The following RIPOR2 variants were observed in gnomAD, a reference collection of about 807,000 sequenced individuals.
The protein encoded by RIPOR2 is rho family-interacting cell polarization regulator 2.
A neutral mutation model predicts 114.5 loss-of-function variants in RIPOR2; 39 were observed. That is an observed-to-expected ratio of 0.34 (90% CI 0.26 to 0.44). The LOEUF is 0.44. Among genes scored for constraint, RIPOR2 ranks in the 20% least tolerant of loss-of-function variants. RIPOR2 has a pLI of 1.00. For missense variants in RIPOR2, 1,007 were observed against 1,255.1 expected (o/e 0.80, Z 2.99); for synonymous variants, 445 against 484.4 (o/e 0.92, Z 1.07).
chr6:24,821,398 G>T (rs1759689714), intron 19 of RIPOR2, among the ~76,000 whole-genome samples: 1 of 151,570 alleles, frequency 6.6e-6, no homozygotes. Flanking sequence ...TGGTCAGGCT[G>T]GTCTCAAACT....
At chr6:24,901,583 T>G (rs78521748) in intron 1 of RIPOR2, among the ~76,000 whole-genome samples, 30 of 152,334 alleles carry the variant, frequency 2.0e-4, no homozygotes, top group African/African-American at 6.5e-4. Flanking sequence ...ATTCCTGACC[T>G]TTATGTCATT....
chr6:25,020,399 T>C (rs1173680748), intron 1 of RIPOR2, among the ~76,000 whole-genome samples: 1 of 152,238 alleles, frequency 6.6e-6, no homozygotes, highest in Non-Finnish European at 1.5e-5. Context: ...CCTTCTAGAA[T>C]CTGCTCATTG....
At chr6:24,934,022 T>C (rs544637126) in intron 1 of RIPOR2, among the ~76,000 whole-genome samples, 3 of 152,286 alleles carry the variant, frequency 2.0e-5, no homozygotes, top group South Asian at 2.1e-4. Context: ...CAGAGTGCAG[T>C]GCATCAGCCT....
chr6:24,850,904 T>C (rs1379170623), intron 9 of RIPOR2, among the ~76,000 whole-genome samples, 182 bp from the exon 10 acceptor site: 2 of 151,576 alleles, frequency 1.3e-5, no homozygotes, highest in African/African-American at 4.8e-5. Flanking sequence ...GAGACTTTTT[T>C]TTTTTTTTTG....
intron 1 of RIPOR2, among the ~76,000 whole-genome samples, chr6:25,026,291 T>C (rs1776619365): frequency 6.6e-6 from 1 of 152,224 alleles, no homozygotes; most frequent in African/African-American, 2.4e-5. Context: ...TAGATATTTA[T>C]ATAGGTATAC....
At chr6:24,859,462 G>A (rs77962049) in intron 8 of RIPOR2, among the ~76,000 whole-genome samples, 1 of 152,056 alleles carries the variant, frequency 6.6e-6, no homozygotes, top group Non-Finnish European at 1.5e-5. Flanking sequence ...AAATTCCAGG[G>A]CCCACGTGGG....
intron 18 of RIPOR2, 103 bp downstream of exon 18, chr6:24,828,034 T>C: frequency 1.9e-6 from 2 of 1,073,624 alleles, no homozygotes; most frequent in Non-Finnish European, 2.6e-6. Context: ...TACTGTGGAC[T>C]TGAAAAATAA....
intron 1 of RIPOR2, among the ~76,000 whole-genome samples, chr6:24,949,052 C>T (rs1419420654): frequency 6.7e-6 from 1 of 149,558 alleles, no homozygotes. Flanking sequence ...GTCACTCTCT[C>T]CTCCTTAACT....
intron 1 of RIPOR2, among the ~76,000 whole-genome samples, chr6:24,916,810 C>T (rs1384089459): frequency 6.6e-6 from 1 of 152,196 alleles, no homozygotes. Flanking sequence ...ACACTCTTGA[C>T]ATTTTAGTAT....
intron 1 of RIPOR2, chr6:25,023,709 C>T (rs1776445797): frequency 3.9e-6 from 3 of 770,554 alleles, no homozygotes; most frequent in South Asian, 2.7e-5. Context: ...CAGCCCACAC[C>T]GTGTTTGTCC....
intron 11 of RIPOR2, 56 bp from the exon 12 acceptor site, chr6:24,848,210 C>G: frequency 6.3e-7 from 1 of 1,583,460 alleles, no homozygotes; most frequent in South Asian, 1.1e-5. Flanking sequence ...CTATCATCAA[C>G]AGACCACAGG....
At chr6:25,040,918 C>T (rs66577954) in intron 1 of RIPOR2, among the ~76,000 whole-genome samples, 35,946 of 152,112 alleles carry the variant, frequency 0.24, 4,864 homozygotes, top group Admixed American at 0.36. Flanking sequence ...GGAAAATCCA[C>T]CAACCTCTAC....
chr6:24,884,703 C>T (rs1766657178), intron 1 of RIPOR2, among the ~76,000 whole-genome samples: 1 of 152,130 alleles, frequency 6.6e-6, no homozygotes, highest in African/African-American at 2.4e-5. Flanking sequence ...AGTAATTCCT[C>T]CCCATTTTAA....
At chr6:24,865,592 A>G in intron 6 of RIPOR2, 142 bp from the exon 7 acceptor site, 1 of 672,046 alleles carries the variant, frequency 1.5e-6, no homozygotes, top group Non-Finnish European at 2.3e-6. Context: ...TTAGATAGGG[A>G]CCAATCGTTT....
chr6:25,032,640 G>A (rs1425324149), intron 1 of RIPOR2, among the ~76,000 whole-genome samples: 3 of 152,182 alleles, frequency 2.0e-5, no homozygotes, highest in Non-Finnish European at 4.4e-5. Flanking sequence ...GAAACAGAAA[G>A]AGCAGCACAG....
intron 1 of RIPOR2, among the ~76,000 whole-genome samples, chr6:24,905,724 C>G (rs1768914236): frequency 6.6e-6 from 1 of 152,230 alleles, no homozygotes; most frequent in African/African-American, 2.4e-5. Context: ...CTCCAGGAAA[C>G]TGTCACTTTG....
chr6:24,840,484 G>A, intron 13 of RIPOR2: 1 of 1,377,300 alleles, frequency 7.3e-7, no homozygotes, highest in African/African-American at 1.5e-5. Context: ...CAGAGTTGGA[G>A]AGAAGTATTT....
chr6:24,845,056 G>A (rs928157525), intron 12 of RIPOR2, among the ~76,000 whole-genome samples: 4 of 151,408 alleles, frequency 2.6e-5, no homozygotes, highest in East Asian at 3.9e-4. Flanking sequence ...CAAACTGTCC[G>A]TTGTAGCATG....
At chr6:24,938,547 A>G (rs1771944831), upstream of RIPOR2, among the ~76,000 whole-genome samples, 1 of 152,242 alleles carries the variant, frequency 6.6e-6, no homozygotes, top group African/African-American at 2.4e-5. Context: ...GACACAGTAC[A>G]TGGTACACAG....
Sources: gnomAD v4.1 joint callset for allele counts (sites outside exome capture counted in the v4.1 genomes callset) on GRCh38, gnomAD v4.1.1 for gene constraint, MANE v1.5 for transcripts, NCBI Gene and HGNC (gene_info 2026-07-23, HGNC 2026-07-21) for gene names.